Variants in CTNNA2 observed in about 807,000 individuals in gnomAD.
CTNNA2 encodes the protein catenin alpha 2.
CTNNA2 carries 42 observed loss-of-function variants against 101.0 expected under a neutral mutation model. The ratio of observed to expected loss-of-function variants is 0.42; its 90% confidence interval spans 0.32 to 0.54. The LOEUF (loss-of-function observed/expected upper bound fraction) is 0.54. Ranked by LOEUF, CTNNA2 falls within the 20% of genes least tolerant of loss-of-function variation. The pLI is 0.14. For missense variants in CTNNA2, 871 were observed against 1,223.1 expected (o/e 0.71, Z 4.29); for synonymous variants, 450 against 456.4 (o/e 0.99, Z 0.18).
intron 3 of CTNNA2, among the ~76,000 whole-genome samples, chr2:79,746,006 C>T (rs149931537): frequency 0.011 from 1,717 of 152,194 alleles, 9 homozygotes; most frequent in Non-Finnish European, 0.018. Flanking sequence ...TGCACCATTT[C>T]CATAGTAGTG....
intron 2 of CTNNA2, among the ~76,000 whole-genome samples, chr2:79,286,873 C>A (rs1233992743): frequency 1.3e-5 from 2 of 152,198 alleles, no homozygotes; most frequent in Non-Finnish European, 2.9e-5. Flanking sequence ...TCCATTCTCT[C>A]CGTCACTTTC....
chr2:79,480,082 C>G (rs1236539669), intron 4 of CTNNA2, among the ~76,000 whole-genome samples: 1 of 152,002 alleles, frequency 6.6e-6, no homozygotes, highest in African/African-American at 2.4e-5. Flanking sequence ...AAAGGGGAGC[C>G]AGCATATGCA....
chr2:80,544,816 TAAG>T (rs1048131175), intron 9 of CTNNA2, among the ~76,000 whole-genome samples, 163 bp from the exon 10 acceptor site: 45 of 152,316 alleles, frequency 3.0e-4, no homozygotes, highest in African/African-American at 1.1e-3. Context: ...TAAATTAGCA[TAAG>T]AAGTAGTACT....
intron 1 of CTNNA2, among the ~76,000 whole-genome samples, chr2:79,650,947 C>G (rs1681201192): frequency 6.6e-6 from 1 of 152,038 alleles, no homozygotes. Flanking sequence ...TCATCCATGT[C>G]CCTACACAGG....
At chr2:80,229,120 A>C (rs1709054133) in intron 7 of CTNNA2, among the ~76,000 whole-genome samples, 1 of 152,222 alleles carries the variant, frequency 6.6e-6, no homozygotes, top group Admixed American at 6.5e-5. Flanking sequence ...AAGTGTGTAT[A>C]ATAGAAATGA....
intron 7 of CTNNA2, among the ~76,000 whole-genome samples, chr2:80,272,833 C>T (rs958829762): frequency 3.9e-5 from 6 of 152,178 alleles, no homozygotes; most frequent in Non-Finnish European, 7.3e-5. Context: ...GCAACCCAAG[C>T]TGCGAGACAA....
chr2:79,703,163 CTT>C (rs1349235859), intron 2 of CTNNA2, among the ~76,000 whole-genome samples: 5 of 152,154 alleles, frequency 3.3e-5, no homozygotes, highest in Non-Finnish European at 7.4e-5. Flanking sequence ...AGCAGAGAGG[CTT>C]TTTTCTGCTA....
intron 9 of CTNNA2, among the ~76,000 whole-genome samples, chr2:80,503,109 G>C (rs1406803110): frequency 1.3e-5 from 2 of 152,034 alleles, no homozygotes; most frequent in South Asian, 2.1e-4. Context: ...GGAGGTGGAG[G>C]CTGCACTCAG....
chr2:80,484,732 C>T (rs759235807), intron 9 of CTNNA2, among the ~76,000 whole-genome samples: 30 of 152,220 alleles, frequency 2.0e-4, no homozygotes, highest in Non-Finnish European at 3.1e-4. Context: ...TCTGGCTGGG[C>T]GCAGTGACTC....
At chr2:80,381,092 C>G (rs777857160) in intron 7 of CTNNA2, among the ~76,000 whole-genome samples, 1 of 151,966 alleles carries the variant, frequency 6.6e-6, no homozygotes, top group Non-Finnish European at 1.5e-5. Context: ...TCAGTGAGGT[C>G]CCTGATTCAC....
chr2:79,776,353 C>G (rs1449248648), intron 3 of CTNNA2, among the ~76,000 whole-genome samples: 1 of 152,004 alleles, frequency 6.6e-6, no homozygotes, highest in Non-Finnish European at 1.5e-5. Flanking sequence ...CTGGGTACCA[C>G]CAAAGCAATA....
At chr2:79,222,214 G>A (rs1476300923) in intron 2 of CTNNA2, among the ~76,000 whole-genome samples, 1 of 152,206 alleles carries the variant, frequency 6.6e-6, no homozygotes, top group Non-Finnish European at 1.5e-5. Flanking sequence ...AGGCTTCTAT[G>A]AGGCTGTGTG....
At chr2:79,974,177 T>C (rs1435065850) in intron 7 of CTNNA2, among the ~76,000 whole-genome samples, 1 of 152,134 alleles carries the variant, frequency 6.6e-6, no homozygotes, top group Non-Finnish European at 1.5e-5. Flanking sequence ...GGAAACTTAT[T>C]GAGCATGATT....
intron 1 of CTNNA2, among the ~76,000 whole-genome samples, chr2:79,566,732 A>G (rs1279937731): frequency 6.6e-6 from 1 of 152,152 alleles, no homozygotes; most frequent in East Asian, 1.9e-4. Flanking sequence ...GTCCAATTAT[A>G]ATATTATTTT....
At chr2:80,220,237 A>G (rs1464541064) in intron 7 of CTNNA2, among the ~76,000 whole-genome samples, 1 of 152,176 alleles carries the variant, frequency 6.6e-6, no homozygotes, top group East Asian at 1.9e-4. Flanking sequence ...TGATACTTGG[A>G]AAGAAGCTAC....
intron 7 of CTNNA2, among the ~76,000 whole-genome samples, chr2:80,107,127 C>G (rs1253669792): frequency 6.6e-6 from 1 of 152,144 alleles, no homozygotes; most frequent in Non-Finnish European, 1.5e-5. Flanking sequence ...TGGTGAAGTC[C>G]CACCTTCCAG....
At chr2:79,888,249 G>A (rs1684040965) in intron 6 of CTNNA2, among the ~76,000 whole-genome samples, 1 of 152,118 alleles carries the variant, frequency 6.6e-6, no homozygotes, top group South Asian at 2.1e-4. Flanking sequence ...GGTTCTGCTG[G>A]GTGCTTGGGG....
chr2:80,447,712 C>T (rs957625703), intron 9 of CTNNA2, among the ~76,000 whole-genome samples: 9 of 151,698 alleles, frequency 5.9e-5, no homozygotes, highest in African/African-American at 2.0e-4. Context: ...GGATAACTTC[C>T]GTTTAATAAT....
intron 18 of CTNNA2, among the ~76,000 whole-genome samples, chr2:80,635,856 G>A (rs978884599): frequency 3.3e-5 from 5 of 152,008 alleles, no homozygotes; most frequent in Non-Finnish European, 7.4e-5. Context: ...ATCTGTTAAG[G>A]ATACCAATGA....
Sources: gnomAD v4.1 joint callset for allele counts (sites outside exome capture counted in the v4.1 genomes callset) on GRCh38, gnomAD v4.1.1 for gene constraint, MANE v1.5 for transcripts, NCBI Gene and HGNC (gene_info 2026-07-23, HGNC 2026-07-21) for gene names.